FMN1: variants seen among roughly 807,000 people sequenced by gnomAD.
FMN1 encodes the protein formin-1.
A neutral mutation model predicts 132.4 loss-of-function variants in FMN1; 110 were observed. That is an observed-to-expected ratio of 0.83 (90% confidence interval 0.71 to 0.97). FMN1 has a LOEUF of 0.97. FMN1 is among the 50% of genes least tolerant of loss of function. The pLI is 0.00. For missense variants in FMN1, 1,792 were observed against 1,705.3 expected (o/e 1.05, Z -0.90); for synonymous variants, 722 against 651.7 (o/e 1.11, Z -1.64).
In FMN1 at chr15:32,771,855, C is replaced by T. The variant is rs1185947015; in HGVS notation, c.*2455G>A. On this transcript the variant is annotated 3_prime_UTR_variant, in exon 21 of 21. Transcript: ENST00000616417. ...CTTCCTTGAACAAATTGTCATTGAC[C>T]TTTACTGAGCATCAATTTGAGTTAA... 1 of 152,168 alleles carries T rather than the reference C, an allele frequency of 6.6e-6. No homozygotes were observed. The highest frequency in any genetic ancestry group is 1.5e-5 in the Non-Finnish European group (1 of 68,044). 9.4% of individuals were successfully genotyped at this position (152,168 alleles called of 1,614,324 possible). A position where few individuals can be genotyped will look rare whatever the true frequency, so the allele number is the denominator to read the frequency against.
intron 16 of FMN1, among the ~76,000 whole-genome samples, chr15:32,875,400 A>G (rs2059614459): frequency 6.6e-6 from 1 of 152,224 alleles, no homozygotes; most frequent in Non-Finnish European, 1.5e-5. Context: ...AATTAATAAA[A>G]GCTAAAAAAA....
intron 17 of FMN1, among the ~76,000 whole-genome samples, chr15:32,838,760 A>C (rs2058681785): frequency 6.6e-6 from 1 of 152,256 alleles, no homozygotes; most frequent in Admixed American, 6.5e-5. Context: ...AACAGAATCC[A>C]AATTATTATT....
chr15:33,124,876 CA>C (rs1962903776), intron 4 of FMN1, among the ~76,000 whole-genome samples: 1 of 150,046 alleles, frequency 6.7e-6, no homozygotes, highest in Non-Finnish European at 1.5e-5. Context: ...GAACGGGAAA[CA>C]AATCATAGAG....
chr15:33,169,723 C>CT (rs1157460472), intron 3 of FMN1, among the ~76,000 whole-genome samples: 200 of 129,390 alleles, frequency 1.5e-3, no homozygotes, highest in African/African-American at 5.1e-3. Flanking sequence ...TATAAAAAGC[C>CT]TTTTTTTTTT....
At chr15:32,961,721 A>C (rs1311313439) in intron 9 of FMN1, among the ~76,000 whole-genome samples, 4 of 151,864 alleles carry the variant, frequency 2.6e-5, no homozygotes, top group Non-Finnish European at 5.9e-5. Context: ...CCATTGAATA[A>C]TTACTTAGAG....
intron 8 of FMN1, among the ~76,000 whole-genome samples, chr15:32,967,576 T>C (rs1715055223): frequency 1.3e-5 from 2 of 152,238 alleles, no homozygotes; most frequent in African/African-American, 4.8e-5. Flanking sequence ...ATCATCTCAC[T>C]TTTTTATGAA....
chr15:33,085,625 A>G lies in FMN1; in HGVS notation c.2043+3174T>C, dbSNP rs2038660108. On this transcript the variant is annotated intron_variant, in intron 5 of 20. Transcript: ENST00000616417. ...AAATATATAAAGCCCATAAAAGGCT[A>G]GTTCAGGAAATAGACATTTTTCATC... 2.0e-5 allele frequency among the ~76,000 whole-genome samples: 3 copies of G among 150,752 alleles called. No individual in the cohort carries two copies. In the South Asian group the frequency reaches 6.3e-4, roughly 31 times the overall value.
chr15:33,119,640 G>GATC (rs1257637128), intron 4 of FMN1, among the ~76,000 whole-genome samples: 3 of 152,200 alleles, frequency 2.0e-5, no homozygotes, highest in Non-Finnish European at 4.4e-5. Context: ...GGATAGAAGT[G>GATC]ATCACTCTGT....
intron 19 of FMN1, among the ~76,000 whole-genome samples, chr15:32,792,367 C>G (rs958399952): frequency 2.0e-5 from 3 of 151,730 alleles, no homozygotes; most frequent in East Asian, 1.9e-4. Flanking sequence ...ATGGCATGAA[C>G]CCGGAAGGTG....
rs930794999 is a variant in FMN1 at position 33,154,433 on chromosome 15, C to T, written c.482G>A (p.Arg161Lys). The change falls in exon 4 of 21, where the codon AGG (arginine) becomes AAG (lysine). Residue 161 changes from arginine to lysine, a missense_variant. Arg to Lys is a conservative substitution (Grantham distance 26). Transcript: ENST00000616417. Reference protein sequence around the residue: ...RSTHGNKKPRRSSGRRESFGA... With the variant: ...RSTHGNKKPRKSSGRRESFGA... ...AAAGCTCTCTCTCCTTCCACTAGAC[C>T]TCCGAGGCTTTTTGTTCCCGTGGGT... is the stretch of plus-strand genomic sequence containing the variant. The T allele has an allele frequency of 1.3e-6, 2 of 1,536,052 alleles. No homozygotes were observed. The highest frequency in any genetic ancestry group is 1.4e-5 in the African/African-American group (1 of 73,034).
At position 32,964,089 on chromosome 15, in the gene FMN1, G is replaced by A. The variant is rs761133255; in HGVS notation, c.3138+18C>T. On this transcript the variant is annotated intron_variant, in intron 9 of 20. Coordinates refer to ENST00000616417, the MANE Select transcript of FMN1 (RefSeq NM_001277313.2). ...CTGTATAATATATAATTACAGCTTT[G>A]CCATAATCACTCAGTACCTTTTTGA... 2 of 1,584,718 alleles carry A rather than the reference G, an allele frequency of 1.3e-6. No individual in the cohort carries two copies. The highest frequency in any genetic ancestry group is 4.5e-5 in the East Asian group (2 of 44,048).
At chr15:33,121,996 A>T (rs1962605362) in intron 4 of FMN1, among the ~76,000 whole-genome samples, 1 of 152,256 alleles carries the variant, frequency 6.6e-6, no homozygotes, top group Non-Finnish European at 1.5e-5. Flanking sequence ...GCAAGCAAAC[A>T]ATATGAAGAG....
intron 5 of FMN1, among the ~76,000 whole-genome samples, chr15:33,085,097 T>C (rs2038636674): frequency 6.6e-6 from 1 of 152,192 alleles, no homozygotes; most frequent in Non-Finnish European, 1.5e-5. Context: ...AGGCTATTTT[T>C]TTCTTCTTTT....
Position 33,039,288 on chromosome 15 carries a change from G to T in FMN1, c.2161+25669C>A, listed in dbSNP as rs568811659. Among the ~76,000 whole-genome samples the T allele has an allele frequency of 5.3e-5, 8 of 152,236 alleles. No individual in the cohort carries two copies. The South Asian group carries it at 1.5e-3, about 28-fold the overall frequency. On this transcript the variant is annotated intron_variant, in intron 6 of 20. Transcript: ENST00000616417. ...GGAACAGAGATAATTATTTACCAAG[G>T]TTGACAGGTATGAGATATTAATTTG...
rs1035599544 is a variant in FMN1 at position 32,767,420 on chromosome 15, G to A, written c.*6890C>T. The A allele has an allele frequency of 6.6e-6, 1 of 152,130 alleles. No individual in the cohort carries two copies. The highest frequency in any genetic ancestry group is 2.4e-5 in the African/African-American group (1 of 41,418). The allele number at this position is 152,130 out of a possible 1,614,324, so 9.4% of individuals were successfully genotyped here. ...CTAGGATGTTGACTGCCTTCACTCAGGTTCTAGGCATGCAGGCCAGTGCTT... is the reference window on the plus strand; with the variant it reads ...CTAGGATGTTGACTGCCTTCACTCAAGTTCTAGGCATGCAGGCCAGTGCTT... On this transcript the variant is annotated 3_prime_UTR_variant, in exon 21 of 21. Transcript: ENST00000616417.
intron 19 of FMN1, among the ~76,000 whole-genome samples, chr15:32,791,009 C>T (rs887761477): frequency 2.6e-5 from 4 of 152,104 alleles, no homozygotes; most frequent in African/African-American, 9.7e-5. Context: ...CTGGAGGCAG[C>T]CCTTGAAAGA....
At chr15:33,072,541 GCAGTGAATTCTT>G (rs1302764785) in intron 5 of FMN1, among the ~76,000 whole-genome samples, 3 of 152,204 alleles carry the variant, frequency 2.0e-5, no homozygotes, top group Middle Eastern at 3.2e-3. Flanking sequence ...GAATTTACTA[GCAGTGAATTCTT>G]CATTTCTCCC....
intron 17 of FMN1, among the ~76,000 whole-genome samples, chr15:32,849,250 CA>C (rs1406494503): frequency 1.3e-5 from 2 of 151,786 alleles, no homozygotes; most frequent in Non-Finnish European, 2.9e-5. Flanking sequence ...CTCGGCCTCC[CA>C]AAGTGCTGTG....
At chr15:32,905,615 T>C (rs546435146) in intron 12 of FMN1, among the ~76,000 whole-genome samples, 1 of 152,166 alleles carries the variant, frequency 6.6e-6, no homozygotes. Flanking sequence ...GCTTTCTAAA[T>C]CTGGCACTGG....
Sources: allele counts gnomAD v4.1 joint callset (sites outside exome capture counted in the v4.1 genomes callset), GRCh38; gene constraint gnomAD v4.1.1; transcripts MANE v1.5; gene names NCBI Gene and HGNC (gene_info 2026-07-23, HGNC 2026-07-21).